The following CAMK1D variants were observed in gnomAD, a reference collection of about 807,000 sequenced individuals.
The protein encoded by CAMK1D is calcium/calmodulin-dependent protein kinase type 1D.
A neutral mutation model predicts 47.7 loss-of-function variants in CAMK1D; 9 were observed. The ratio of observed to expected loss-of-function variants is 0.19; its 90% CI spans 0.11 to 0.33. The LOEUF (loss-of-function observed/expected upper bound fraction) is 0.33, where lower values mean the gene tolerates loss of function less well. Among genes scored for constraint, CAMK1D ranks in the 10% least tolerant of loss-of-function variants. CAMK1D has a pLI of 1.00. For missense variants in CAMK1D, 291 were observed against 488.7 expected (o/e 0.60, Z 3.81); for synonymous variants, 184 against 184.9 (o/e 0.99, Z 0.04).
chr10:12,627,734 C>G (rs1839262788), intron 2 of CAMK1D, among the ~76,000 whole-genome samples: 1 of 152,046 alleles, frequency 6.6e-6, no homozygotes, highest in Non-Finnish European at 1.5e-5. Flanking sequence ...GTATGAAATT[C>G]CTTTGCATAA....
At chr10:12,363,330 C>G (rs1417320134) in intron 1 of CAMK1D, among the ~76,000 whole-genome samples, 4 of 152,070 alleles carry the variant, frequency 2.6e-5, no homozygotes, top group African/African-American at 9.7e-5. Context: ...TCTCGGCCCA[C>G]TGCTACCTCC....
intron 3 of CAMK1D, among the ~76,000 whole-genome samples, chr10:12,720,144 A>T (rs1564515636): frequency 1.3e-5 from 2 of 152,214 alleles, no homozygotes; most frequent in African/African-American, 4.8e-5. Flanking sequence ...GGAAGGAGGG[A>T]TGCCTTTGGA....
chr10:12,395,365 G>A (rs1392989553), intron 1 of CAMK1D, among the ~76,000 whole-genome samples: 1 of 151,968 alleles, frequency 6.6e-6, no homozygotes, highest in Admixed American at 6.6e-5. Flanking sequence ...CTCTAATCCT[G>A]CCTTGGTTTT....
chr10:12,606,099 G>A (rs533155557), intron 2 of CAMK1D, among the ~76,000 whole-genome samples: 40 of 152,362 alleles, frequency 2.6e-4, no homozygotes, highest in African/African-American at 9.4e-4. Flanking sequence ...TCACAGCCAC[G>A]CCGCTTGGAG....
chr10:12,649,172 A>G (rs970692829), intron 2 of CAMK1D, among the ~76,000 whole-genome samples: 5 of 152,236 alleles, frequency 3.3e-5, no homozygotes, highest in Admixed American at 3.3e-4. Context: ...CAGCAACTCA[A>G]TATCTTTTAC....
rs146305546 is a variant in CAMK1D at position 12,606,160 on chromosome 10, G to A, written c.224+52804G>A. 1.6e-3 allele frequency among the ~76,000 whole-genome samples: 247 copies of A among 151,926 alleles called. 2 individuals are homozygous for A. The highest frequency in any genetic ancestry group is 5.8e-3 in the African/African-American group (238 of 41,282). ...CCTTTGAGTTAACAACGCAGGTGCCGTCATCCTCCTGTGAGCCGCGGCTGC... is the reference window on the plus strand; with the variant it reads ...CCTTTGAGTTAACAACGCAGGTGCCATCATCCTCCTGTGAGCCGCGGCTGC... On this transcript the variant is annotated intron_variant, in intron 2 of 10. Coordinates refer to ENST00000619168, the MANE Select transcript of CAMK1D (RefSeq NM_153498.4).
chr10:12,727,048 G>C (rs1358974037), intron 3 of CAMK1D, among the ~76,000 whole-genome samples: 1 of 152,224 alleles, frequency 6.6e-6, no homozygotes, highest in African/African-American at 2.4e-5. Context: ...CTCAGCCTGC[G>C]CAGCCCAGGG....
chr10:12,529,500 G>A (rs929077750), intron 1 of CAMK1D, among the ~76,000 whole-genome samples: 3 of 152,210 alleles, frequency 2.0e-5, no homozygotes, highest in Non-Finnish European at 4.4e-5. Context: ...TTGGGACAAA[G>A]GGGCTACCCT....
At chr10:12,357,715 G>T (rs940154351) in intron 1 of CAMK1D, among the ~76,000 whole-genome samples, 12 of 152,104 alleles carry the variant, frequency 7.9e-5, no homozygotes, top group Non-Finnish European at 5.9e-5. Context: ...ATGCAAGATG[G>T]TCAATTCCGT....
At chr10:12,766,808 A>G (rs571023551) in intron 4 of CAMK1D, among the ~76,000 whole-genome samples, 2 of 152,186 alleles carry the variant, frequency 1.3e-5, no homozygotes, top group East Asian at 1.9e-4. Flanking sequence ...GGATTCTCCA[A>G]CGTAGCAGAC....
At chr10:12,468,759 C>T (rs1451399980) in intron 1 of CAMK1D, among the ~76,000 whole-genome samples, 1 of 152,176 alleles carries the variant, frequency 6.6e-6, no homozygotes, top group African/African-American at 2.4e-5. Flanking sequence ...TAAGTCTGAT[C>T]TGCACCCAAA....
chr10:12,677,014 A>G (rs1840831281), intron 3 of CAMK1D, among the ~76,000 whole-genome samples: 1 of 152,198 alleles, frequency 6.6e-6, no homozygotes, highest in Non-Finnish European at 1.5e-5. Flanking sequence ...TTGAAAAGCT[A>G]AGGACAAAAC....
chr10:12,474,287 C>T (rs1453834146), intron 1 of CAMK1D, among the ~76,000 whole-genome samples: 1 of 151,456 alleles, frequency 6.6e-6, no homozygotes, highest in African/African-American at 2.4e-5. Context: ...CAAGCTCCGC[C>T]TCCTGGGTTC....
chr10:12,647,880 C>T (rs1839854831), intron 2 of CAMK1D, among the ~76,000 whole-genome samples: 2 of 152,174 alleles, frequency 1.3e-5, no homozygotes, highest in South Asian at 2.1e-4. Flanking sequence ...GGACCCTCCT[C>T]CTGAGAGCCG....
intron 3 of CAMK1D, among the ~76,000 whole-genome samples, chr10:12,700,644 A>G (rs909620601): frequency 2.0e-5 from 3 of 152,192 alleles, no homozygotes; most frequent in African/African-American, 7.2e-5. Context: ...GCAAACATAT[A>G]TGAAAGACAT....
intron 2 of CAMK1D, among the ~76,000 whole-genome samples, chr10:12,616,941 C>T (rs1488127189): frequency 2.0e-5 from 3 of 152,042 alleles, no homozygotes; most frequent in African/African-American, 4.8e-5. Context: ...GGCATTTATT[C>T]GGTGAAGTGT....
chr10:12,595,580 C>T (rs145146921), intron 2 of CAMK1D, among the ~76,000 whole-genome samples: 36 of 151,948 alleles, frequency 2.4e-4, no homozygotes, highest in African/African-American at 7.0e-4. Flanking sequence ...TTTGCATTTG[C>T]GTTTTGTAAG....
At chr10:12,382,341 C>T (rs1036575915) in intron 1 of CAMK1D, among the ~76,000 whole-genome samples, 3 of 151,838 alleles carry the variant, frequency 2.0e-5, no homozygotes, top group Non-Finnish European at 4.4e-5. Flanking sequence ...TATGTGAAAT[C>T]CTTATGGTAT....
chr10:12,685,066 C>G (rs1588786657), intron 3 of CAMK1D, among the ~76,000 whole-genome samples: 1 of 152,148 alleles, frequency 6.6e-6, no homozygotes, highest in African/African-American at 2.4e-5. Context: ...TTTGGGAGGC[C>G]GAGGTGGGTG....
Sources: allele counts gnomAD v4.1 joint callset (sites outside exome capture counted in the v4.1 genomes callset), GRCh38; gene constraint gnomAD v4.1.1; transcripts MANE v1.5; gene names NCBI Gene and HGNC (gene_info 2026-07-23, HGNC 2026-07-21).